SFSWAP: variants seen among roughly 807,000 people sequenced by gnomAD.
SFSWAP encodes splicing factor SWAP.
Under a neutral mutation model 100.7 loss-of-function variants are expected in SFSWAP, and 17 were observed. That is an observed-to-expected ratio of 0.17 (90% CI 0.12 to 0.25). The LOEUF is 0.25. Among genes scored for constraint, SFSWAP ranks in the 10% least tolerant of loss-of-function variants. The pLI is 1.00. For synonymous variants in SFSWAP, 504 were observed against 510.1 expected, an observed-to-expected ratio of 0.99 and a Z score of 0.16; for missense variants, 1,005 against 1,262.6, an observed-to-expected ratio of 0.80 and a Z score of 3.09.
chr12:131,743,704 G>T (rs1400942534), intron 7 of SFSWAP, among the ~76,000 whole-genome samples: 5 of 152,232 alleles, frequency 3.3e-5, no homozygotes, highest in Non-Finnish European at 5.9e-5. Flanking sequence ...TCTCACAGCT[G>T]CACTAGGCAG....
chr12:131,747,683 G>A (rs1051928348), intron 7 of SFSWAP, among the ~76,000 whole-genome samples: 2 of 152,202 alleles, frequency 1.3e-5, no homozygotes, highest in African/African-American at 4.8e-5. Context: ...CAGCCTTGGG[G>A]TCTGCCAGAT....
intron 5 of SFSWAP, among the ~76,000 whole-genome samples, chr12:131,726,440 C>T (rs570288270): frequency 2.1e-4 from 32 of 152,332 alleles, no homozygotes; most frequent in African/African-American, 7.7e-4. Flanking sequence ...AAACTCCTGA[C>T]CTCAGGTGAT....
At chr12:131,747,760 G>A (rs1386833894) in intron 7 of SFSWAP, among the ~76,000 whole-genome samples, 1 of 152,204 alleles carries the variant, frequency 6.6e-6, no homozygotes, top group Non-Finnish European at 1.5e-5. Flanking sequence ...GGCATGGGGA[G>A]AAATCAGGGG....
intron 11 of SFSWAP, among the ~76,000 whole-genome samples, chr12:131,762,273 C>T (rs990861565): frequency 3.3e-5 from 5 of 151,860 alleles, no homozygotes; most frequent in African/African-American, 4.8e-5. Flanking sequence ...AGGCTGGGCA[C>T]GGTGGCTCAT....
At chr12:131,742,339 C>T (rs1880721735) in intron 7 of SFSWAP, among the ~76,000 whole-genome samples, 1 of 152,138 alleles carries the variant, frequency 6.6e-6, no homozygotes, top group Non-Finnish European at 1.5e-5. Context: ...TTCAAAACCT[C>T]AGTACAGCAT....
Position 131,719,498 on chromosome 12 carries a change from G to A in SFSWAP, c.565G>A (p.Val189Ile), listed in dbSNP as rs35562367. 8,853 of 1,613,996 alleles carry A rather than the reference G, an allele frequency of 5.5e-3. 48 individuals are homozygous for A. Among genetic ancestry groups the A allele is most frequent in the South Asian group, 0.011 (969 of 91,070 alleles). ...ENLEENEEPF[V>I]APLGLSVPSD... ...TTTAGAGGAAAATGAAGAGCCCTTCGTTGCCCCCTTAGGATTGAGCGTCCC... is the reference window on the plus strand; with the variant it reads ...TTTAGAGGAAAATGAAGAGCCCTTCATTGCCCCCTTAGGATTGAGCGTCCC... Residue 189 changes from valine (V) to isoleucine (I), a missense_variant, in exon 4 of 18, where the codon GTT (valine) becomes ATT (isoleucine). Physicochemically the swap from Val to Ile is conservative, Grantham distance 29. Transcript: ENST00000261674.
intron 3 of SFSWAP, among the ~76,000 whole-genome samples, chr12:131,717,522 G>A (rs1330919703): frequency 6.6e-6 from 1 of 151,788 alleles, no homozygotes; most frequent in Non-Finnish European, 1.5e-5. Context: ...TTTTTATTTT[G>A]TGCTACTAAA....
rs1877607125 is a variant in SFSWAP, at chr12:131,713,672, T to C, written c.219-399T>C. On this transcript the variant is annotated intron_variant, in intron 1 of 17. Transcript: ENST00000261674. ...CGGATAGGTATTTATGTATTTGGTTTGTGTGAATGTAAGCTATGATATTTA... is the reference window on the plus strand; with the variant it reads ...CGGATAGGTATTTATGTATTTGGTTCGTGTGAATGTAAGCTATGATATTTA... The C allele has an allele frequency of 2.0e-5, 3 of 153,536 alleles. No homozygotes were observed. The Admixed American group carries it at 2.0e-4, about 10-fold the overall frequency. The allele number at this position is 153,536 out of a possible 1,614,324, so 9.5% of individuals were successfully genotyped here.
intron 15 of SFSWAP, among the ~76,000 whole-genome samples, chr12:131,795,099 C>T (rs984330330): frequency 1.3e-5 from 2 of 152,232 alleles, no homozygotes; most frequent in African/African-American, 4.8e-5. Flanking sequence ...CTCTTTCGTG[C>T]AGGTCCCACA....
chr12:131,765,563 G>A (rs544087413), intron 12 of SFSWAP, among the ~76,000 whole-genome samples: 25 of 152,010 alleles, frequency 1.6e-4, no homozygotes, highest in East Asian at 9.7e-4. Context: ...CAGGAGAATC[G>A]CTTGAACCCG....
In SFSWAP at chr12:131,788,317, C is replaced by G. The variant is rs573886140; in HGVS notation, c.2534+1729C>G. Among the ~76,000 whole-genome samples, 63 of 152,332 alleles carry G rather than the reference C, an allele frequency of 4.1e-4. 1 individual carries two copies. In the South Asian group the frequency reaches 0.012, roughly 30 times the overall value. ...CACACAAGAGAAGCAAAGGGTTAGA[C>G]TCAGTGCAGTGCTGAGCCCTGAGCT... is the stretch of plus-strand genomic sequence containing the variant. On this transcript the variant is annotated intron_variant, in intron 15 of 17. Coordinates refer to ENST00000261674, the MANE Select transcript of SFSWAP (RefSeq NM_004592.4).
At position 131,716,743 on chromosome 12, in the gene SFSWAP, C is replaced by A. The variant is rs965666167; in HGVS notation, c.520+1790C>A. ...AAGAAATGAAACACCATATGGCCCACAAAACCAGAAATATTTATTAATACT... is the reference window on the plus strand; with the variant it reads ...AAGAAATGAAACACCATATGGCCCAAAAAACCAGAAATATTTATTAATACT... On this transcript the variant is annotated intron_variant, in intron 3 of 17. Coordinates refer to ENST00000261674, the MANE Select transcript of SFSWAP (RefSeq NM_004592.4). 6.6e-5 allele frequency among the ~76,000 whole-genome samples: 10 copies of A among 152,286 alleles called. No homozygotes were observed. The East Asian group carries it at 1.9e-3, about 29-fold the overall frequency.
rs944290470 is a variant in SFSWAP, at chr12:131,794,789, T to C, written c.2535-2389T>C. On this transcript the variant is annotated intron_variant, in intron 15 of 17. Transcript: ENST00000261674. The surrounding 1 kb of genome is among the most constrained non-coding windows in gnomAD (Gnocchi z 4.8). ...TCAGCGGCAGCACCGAGGACAGCGT[T>C]TCACCCAATGGACAGTGGCACCTCG... 3.3e-5 allele frequency among the ~76,000 whole-genome samples: 5 copies of C among 152,154 alleles called. No homozygotes were observed. The highest frequency in any genetic ancestry group is 6.5e-5 in the Admixed American group (1 of 15,276).
chr12:131,720,990 G>C (rs2136182086), intron 4 of SFSWAP, among the ~76,000 whole-genome samples: 1 of 152,320 alleles, frequency 6.6e-6, no homozygotes, highest in South Asian at 2.1e-4. Context: ...GGCAGCATCT[G>C]CTTCTGGGGA....
intron 7 of SFSWAP, 60 bp downstream of exon 7, chr12:131,728,488 C>T (rs1160637537): frequency 6.4e-7 from 1 of 1,564,886 alleles, no homozygotes; most frequent in African/African-American, 1.3e-5. Flanking sequence ...GAGCCAGCTA[C>T]AGGGCTCTAA....
Position 131,778,164 on chromosome 12 carries a change from C to G in SFSWAP, c.2242C>G (p.Pro748Ala), listed in dbSNP as rs1344587470. 6.2e-7 allele frequency: 1 copy of G among 1,613,118 alleles called. No homozygotes were observed. Among genetic ancestry groups the G allele is most frequent in the African/African-American group, 1.3e-5 (1 of 74,594 alleles). The change falls in exon 14 of 18, where the codon CCA (proline) becomes GCA (alanine). Residue 748 changes from proline (P) to alanine (A), a missense_variant. This residue lies in a region of SFSWAP where 295 missense variants were observed against 347.9 expected (regional missense o/e 0.85). Coordinates refer to ENST00000261674, the MANE Select transcript of SFSWAP (RefSeq NM_004592.4). The surrounding 1 kb of genome is among the most constrained non-coding windows in gnomAD (Gnocchi z 4.2). Reference sequence around the variant, plus strand: ...TAGGCCTTCGAGCAAAAGCAAAGATCCACCGAGAGAAGAAGAGAAAGAAAA... The same window carrying G: ...TAGGCCTTCGAGCAAAAGCAAAGATGCACCGAGAGAAGAAGAGAAAGAAAA... ...PDRPSSKSKDPPREEEKEKKK... is the reference protein window; with the variant it reads ...PDRPSSKSKDAPREEEKEKKK...
In SFSWAP at chr12:131,753,485, A is replaced by G. The variant is rs551855660; in HGVS notation, c.1322+122A>G. 56 of 1,261,286 alleles carry G rather than the reference A, an allele frequency of 4.4e-5. No individual in the cohort carries two copies. In the South Asian group the frequency reaches 7.3e-4, roughly 17 times the overall value. The allele number at this position is 1,261,286 out of a possible 1,614,324, so 78.1% of individuals were successfully genotyped here. On this transcript the variant is annotated intron_variant, in intron 8 of 17. Transcript: ENST00000261674. ...CATATACAGGGGTCCCCATTGTCTG[A>G]GTAGTTATTATTCCAAATCCCCAAG...
chr12:131,795,382 A>G (rs1885555153), intron 15 of SFSWAP, among the ~76,000 whole-genome samples: 1 of 152,226 alleles, frequency 6.6e-6, no homozygotes. Context: ...GGGAGCCCGG[A>G]CAGAAACGCT....
At chr12:131,766,412 A>G in intron 13 of SFSWAP, 104 bp downstream of exon 13, 1 of 1,013,558 alleles carries the variant, frequency 9.9e-7, no homozygotes, top group East Asian at 2.4e-5. Context: ...TGAGTGAGGG[A>G]TATGAGCTCC....
Sources: gnomAD v4.1 joint callset for allele counts (sites outside exome capture counted in the v4.1 genomes callset) on GRCh38, gnomAD v4.1.1 for gene constraint, gnomAD v4.1.1 regional missense constraint, Gnocchi (gnomAD v3.1) non-coding constraint, MANE v1.5 for transcripts, NCBI Gene and HGNC (gene_info 2026-07-23, HGNC 2026-07-21) for gene names.